Variants in SORBS2 observed in about 807,000 individuals in gnomAD.
SORBS2 encodes sorbin and SH3 domain containing 2, also known as sorbin and SH3 domain-containing protein 2.
In SORBS2, 46 loss-of-function variants were observed where a neutral mutation model predicts 97.7. The observed-to-expected ratio is 0.47, with a 90% CI of 0.37 to 0.60. The LOEUF (loss-of-function observed/expected upper bound fraction) is 0.60. Ranked by LOEUF, SORBS2 falls within the 20% of genes least tolerant of loss-of-function variation. The probability of loss-of-function intolerance (pLI) is 0.00; values close to 1 mark genes in which losing one functional copy is unlikely to be tolerated. For synonymous variants in SORBS2, 476 were observed against 473.4 expected (o/e 1.01, Z -0.07); for missense variants, 1,316 against 1,282.3 (o/e 1.03, Z -0.40).
chr4:185,638,141 C>A (rs2097055633), intron 4 of SORBS2: 1 of 1,609,980 alleles, frequency 6.2e-7, no homozygotes, highest in African/African-American at 1.3e-5. Flanking sequence ...AAATCTATGT[C>A]ATCTGGATTT....
At chr4:185,682,286 A>G (rs1582634497) in intron 2 of SORBS2, among the ~76,000 whole-genome samples, 2 of 152,232 alleles carry the variant, frequency 1.3e-5, no homozygotes, top group Admixed American at 1.3e-4. Context: ...AGTGGTCCCC[A>G]TACTGCGGCA....
At chr4:185,614,080 A>G (rs1287173986) in intron 11 of SORBS2, among the ~76,000 whole-genome samples, 1 of 152,144 alleles carries the variant, frequency 6.6e-6, no homozygotes, top group African/African-American at 2.4e-5. Flanking sequence ...CATATTTAGA[A>G]AGCAATAAGA....
chr4:185,898,711 G>A (rs1389614758), intron 1 of SORBS2, among the ~76,000 whole-genome samples: 3 of 152,172 alleles, frequency 2.0e-5, no homozygotes, highest in Non-Finnish European at 4.4e-5. Context: ...AATGCAGAGT[G>A]GTATGGAGAG....
rs191404214 is a variant in SORBS2 at position 185,917,586 on chromosome 4, G to A, written c.-338+38610C>T. Among the ~76,000 whole-genome samples the A allele has an allele frequency of 2.5e-4, 38 of 152,266 alleles. No individual in the cohort carries two copies. In the East Asian group the frequency reaches 6.8e-3, roughly 27 times the overall value. Reference sequence around the variant, plus strand: ...TCCCTGAGTCATGTGAGCCACTCTAGTAAATTAATCAAACCTAAGAAGGGG... The same window carrying A: ...TCCCTGAGTCATGTGAGCCACTCTAATAAATTAATCAAACCTAAGAAGGGG... On this transcript the variant is annotated intron_variant, in intron 1 of 20. Transcript: ENST00000284776.
intron 1 of SORBS2, among the ~76,000 whole-genome samples, chr4:185,850,472 C>T (rs1339395942): frequency 6.6e-6 from 1 of 152,180 alleles, no homozygotes; most frequent in African/African-American, 2.4e-5. Flanking sequence ...CCTTGGTATC[C>T]TGGCATCACT....
chr4:185,913,341 T>G (rs1183629096), intron 1 of SORBS2, among the ~76,000 whole-genome samples: 1 of 152,212 alleles, frequency 6.6e-6, no homozygotes, highest in African/African-American at 2.4e-5. Context: ...ATATTACCAT[T>G]GAGGCTCATT....
chr4:185,741,439 T>G (rs2098726315), intron 2 of SORBS2, among the ~76,000 whole-genome samples: 1 of 137,884 alleles, frequency 7.3e-6, no homozygotes, highest in African/African-American at 2.8e-5. Flanking sequence ...AGTCTCGCTC[T>G]GTCGCCCAGG....
chr4:185,601,400 C>T (rs1374424300), intron 12 of SORBS2, among the ~76,000 whole-genome samples: 5 of 152,090 alleles, frequency 3.3e-5, no homozygotes, highest in Admixed American at 3.3e-4. Flanking sequence ...TGTAATCTCC[C>T]ATCTTTTCTC....
At chr4:185,942,114 TAAAACAA>T (rs955548425) in intron 1 of SORBS2, among the ~76,000 whole-genome samples, 33 of 151,780 alleles carry the variant, frequency 2.2e-4, no homozygotes, top group African/African-American at 7.2e-4. Flanking sequence ...AGATTCCATT[TAAAACAA>T]AAAACAAAAA....
intron 2 of SORBS2, among the ~76,000 whole-genome samples, chr4:185,723,270 C>T (rs955188713): frequency 5.3e-5 from 8 of 152,174 alleles, no homozygotes; most frequent in African/African-American, 9.7e-5. Flanking sequence ...GTGGCAACTT[C>T]GCTGAAAACA....
chr4:185,893,589 G>A (rs1441213866), intron 1 of SORBS2, among the ~76,000 whole-genome samples: 1 of 152,192 alleles, frequency 6.6e-6, no homozygotes, highest in African/African-American at 2.4e-5. Context: ...ACAATAGACA[G>A]GTTAACAGCC....
rs757468584 is a variant in SORBS2, at chr4:185,611,872, T to C, written c.2704A>G (p.Lys902Glu). Residue 902 changes from lysine (K) to glutamate (E), a missense_variant, in exon 12 of 15, where the codon AAG (lysine) becomes GAG (glutamate). Coordinates refer to ENST00000418609, the Ensembl canonical transcript of SORBS2. ...TCCTCAGCACCTTTTGTGTTCTTCT[T>C]GACGACCTCCACATAGGAAACAGGG... 1.9e-6 allele frequency: 3 copies of C among 1,614,094 alleles called. No individual in the cohort carries two copies. The East Asian group carries it at 6.7e-5, about 36-fold the overall frequency.
At chr4:185,941,135 A>C (rs72709781) in intron 1 of SORBS2, among the ~76,000 whole-genome samples, 7,610 of 152,308 alleles carry the variant, frequency 0.05, 267 homozygotes, top group Middle Eastern at 0.079. Flanking sequence ...AATAATTAAC[A>C]TGTATTTCAG....
chr4:185,659,532 T>C (rs976789595), upstream of SORBS2, among the ~76,000 whole-genome samples: 2 of 151,900 alleles, frequency 1.3e-5, no homozygotes, highest in Non-Finnish European at 2.9e-5. Flanking sequence ...TTCTCCTGCC[T>C]CAGCCTCCCG....
intron 4 of SORBS2, among the ~76,000 whole-genome samples, chr4:185,668,740 C>A (rs1412750088): frequency 1.3e-5 from 2 of 152,104 alleles, no homozygotes; most frequent in Admixed American, 1.3e-4. Context: ...TTTTTTCTTA[C>A]TTCATGAGTG....
At chr4:185,765,936 C>G (rs2098931971) in intron 2 of SORBS2, among the ~76,000 whole-genome samples, 1 of 151,930 alleles carries the variant, frequency 6.6e-6, no homozygotes, top group South Asian at 2.1e-4. Context: ...TTGTCTTATT[C>G]TGCCTTGAAT....
chr4:185,786,887 C>T (rs1257001177), intron 1 of SORBS2, among the ~76,000 whole-genome samples: 4 of 149,048 alleles, frequency 2.7e-5, no homozygotes, highest in Admixed American at 1.4e-4. Flanking sequence ...TGCTTGAACT[C>T]GGGAGGTGGA....
intron 1 of SORBS2, among the ~76,000 whole-genome samples, chr4:185,782,282 T>C (rs1275317826): frequency 6.6e-6 from 1 of 152,272 alleles, no homozygotes. Flanking sequence ...ATATTTGGTT[T>C]AGAAGCTGTC....
In SORBS2 at chr4:185,868,155, C is replaced by CTTTT. The variant is rs1431293135; in HGVS notation, c.-338+88040_-338+88041insAAAA. Among the ~76,000 whole-genome samples the CTTTT allele has an allele frequency of 1.6e-3, 158 of 100,710 alleles. 8 individuals are homozygous for CTTTT. The highest frequency in any genetic ancestry group is 0.013 in the Middle Eastern group (2 of 156). The allele number at this position is 100,710 out of a possible 152,430, so 66.1% of individuals were successfully genotyped here. ...CCTTTCTCTTTTCTTTTCTTTTTTTCTTTCTTTTTTTTTTTTTTTGAGGCA... is the reference window on the plus strand; with the variant it reads ...CCTTTCTCTTTTCTTTTCTTTTTTTCTTTTTTTCTTTTTTTTTTTTTTTGAGGCA... On this transcript the variant is annotated intron_variant, in intron 1 of 20. Coordinates refer to the SORBS2 transcript ENST00000284776.
Sources: gnomAD v4.1 joint callset for allele counts (sites outside exome capture counted in the v4.1 genomes callset) on GRCh38, gnomAD v4.1.1 for gene constraint, MANE v1.5 for transcripts, NCBI Gene and HGNC (gene_info 2026-07-23, HGNC 2026-07-21) for gene names.